The following XPR1 variants were observed in gnomAD, a reference collection of about 807,000 sequenced individuals.
The protein encoded by XPR1 is solute carrier family 53 member 1.
XPR1 carries 28 observed loss-of-function variants against 87.5 expected under a neutral mutation model. That is an observed-to-expected ratio of 0.32 (90% CI 0.24 to 0.44). XPR1 has a LOEUF of 0.44. Among genes scored for constraint, XPR1 ranks in the 20% least tolerant of loss-of-function variants. The probability of loss-of-function intolerance (pLI) is 1.00; values close to 1 mark genes in which losing one functional copy is unlikely to be tolerated. For missense variants in XPR1, 559 were observed against 862.3 expected (o/e 0.65, Z 4.41); for synonymous variants, 300 against 306.1 (o/e 0.98, Z 0.21).
chr1:180,691,014 AGTT>A (rs1656975737), intron 2 of XPR1, among the ~76,000 whole-genome samples: 1 of 151,992 alleles, frequency 6.6e-6, no homozygotes, highest in South Asian at 2.1e-4. Context: ...TATTATTAGT[AGTT>A]GTTGTTTTAC....
chr1:180,722,405 A>T (rs896120079), intron 2 of XPR1, among the ~76,000 whole-genome samples: 1 of 152,116 alleles, frequency 6.6e-6, no homozygotes, highest in Non-Finnish European at 1.5e-5. Context: ...TTAAAATGTT[A>T]CTTTAAATTA....
In XPR1 at chr1:180,787,746, C is replaced by T. The variant is rs1367887982; in HGVS notation, c.122-7C>T. 1 of 1,566,578 alleles carries T rather than the reference C, an allele frequency of 6.4e-7. No homozygotes were observed. Among genetic ancestry groups the T allele is most frequent in the African/African-American group, 1.4e-5 (1 of 72,586 alleles). ...TTAAATTTAAATATTGTTTTCCTGT[C>T]TTTCAGTTACAGATGAGGACACAGT... is the stretch of plus-strand genomic sequence containing the variant. On this transcript the variant is annotated splice_polypyrimidine_tract_variant and splice_region_variant and intron_variant, in intron 2 of 14. Transcript: ENST00000367590.
At chr1:180,782,840 A>G (rs374108778) in intron 2 of XPR1, among the ~76,000 whole-genome samples, 1 of 151,874 alleles carries the variant, frequency 6.6e-6, no homozygotes, top group Non-Finnish European at 1.5e-5. Context: ...TGATTTTTCT[A>G]TAAAACTTAT....
intron 1 of XPR1, among the ~76,000 whole-genome samples, chr1:180,657,276 T>C (rs1366660942): frequency 6.6e-6 from 1 of 152,226 alleles, no homozygotes; most frequent in Non-Finnish European, 1.5e-5. Context: ...TTTCCTTTGC[T>C]GTGCAGAAGA....
intron 3 of XPR1, among the ~76,000 whole-genome samples, chr1:180,793,814 C>T (rs1374018513): frequency 6.6e-6 from 1 of 152,074 alleles, no homozygotes; most frequent in African/African-American, 2.4e-5. Flanking sequence ...CTATTAAAAA[C>T]AAGCCACGTG....
intron 11 of XPR1, among the ~76,000 whole-genome samples, chr1:180,844,574 A>G (rs1290048533): frequency 6.6e-6 from 1 of 152,220 alleles, no homozygotes; most frequent in African/African-American, 2.4e-5. Context: ...TATTAACAGC[A>G]TAATAAACCA....
chr1:180,825,587 C>A (rs1650801792), intron 9 of XPR1, among the ~76,000 whole-genome samples: 1 of 152,110 alleles, frequency 6.6e-6, no homozygotes, highest in South Asian at 2.1e-4. Flanking sequence ...GTTTAACTAG[C>A]TGTGATAAGA....
intron 11 of XPR1, among the ~76,000 whole-genome samples, chr1:180,857,993 G>T (rs753450570): frequency 2.6e-5 from 4 of 152,134 alleles, no homozygotes; most frequent in Non-Finnish European, 5.9e-5. Flanking sequence ...GAGGCAGGCA[G>T]ATCACCTGAG....
At chr1:180,838,355 C>T (rs529252136) in intron 11 of XPR1, among the ~76,000 whole-genome samples, 8 of 152,180 alleles carry the variant, frequency 5.3e-5, no homozygotes, top group Admixed American at 5.2e-4. Flanking sequence ...TCATGGGTAG[C>T]AGAGGCAGAA....
chr1:180,703,295 A>G (rs1358836860), intron 2 of XPR1, among the ~76,000 whole-genome samples: 1 of 152,080 alleles, frequency 6.6e-6, no homozygotes, highest in Non-Finnish European at 1.5e-5. Context: ...CTCAGACTCA[A>G]GCAGTGGTGG....
rs1181905994 is a variant in XPR1, at chr1:180,885,237, T to C, written c.*1171T>C. ...AAAAGTCTGTCATGGGGAAACTATATTTTTGAGCACATGGAACAAATTATA... is the reference window on the plus strand; with the variant it reads ...AAAAGTCTGTCATGGGGAAACTATACTTTTGAGCACATGGAACAAATTATA... On this transcript the variant is annotated 3_prime_UTR_variant, in exon 15 of 15. Transcript: ENST00000367590. 6.6e-6 allele frequency: 1 copy of C among 152,658 alleles called. No individual in the cohort carries two copies. The highest frequency in any genetic ancestry group is 1.5e-5 in the Non-Finnish European group (1 of 68,044). The allele number at this position is 152,658 out of a possible 1,614,324, so 9.5% of individuals were successfully genotyped here.
chr1:180,777,380 A>G (rs999234646), intron 2 of XPR1, among the ~76,000 whole-genome samples: 1 of 152,232 alleles, frequency 6.6e-6, no homozygotes, highest in African/African-American at 2.4e-5. Flanking sequence ...GAAGAAGGCT[A>G]GTCCTTTATT....
At position 180,825,180 on chromosome 1, in the gene XPR1, G is replaced by T. The variant is rs755916331; in HGVS notation, c.970G>T (p.Gly324Trp). The change falls in exon 9 of 15, where the codon GGG (glycine) becomes TGG (tryptophan). Residue 324 changes from glycine (G) to tryptophan (W), a missense_variant. Transcript: ENST00000367590. ...QHLFEIAGFL[G>W]ILWCLSLLAC... The stretch of plus-strand genomic sequence containing the variant: ...CCTTTACTAGATTGCTGGATTCCTC[G>T]GGATATTGTGGTGCCTGAGCCTTCT... 6.2e-7 allele frequency: 1 copy of T among 1,608,524 alleles called. No individual in the cohort carries two copies. Among genetic ancestry groups the T allele is most frequent in the South Asian group, 1.1e-5 (1 of 89,332 alleles).
intron 2 of XPR1, among the ~76,000 whole-genome samples, chr1:180,777,934 T>C (rs951360337): frequency 6.6e-6 from 1 of 152,086 alleles, no homozygotes; most frequent in African/African-American, 2.4e-5. Context: ...AGTTAGTGCC[T>C]CTCAAACTGG....
chr1:180,842,592 A>G (rs888431223), intron 11 of XPR1, among the ~76,000 whole-genome samples: 2 of 152,222 alleles, frequency 1.3e-5, no homozygotes, highest in Non-Finnish European at 2.9e-5. Flanking sequence ...TTTGAAGGCA[A>G]TTCCTACAAG....
At chr1:180,873,577 A>G (rs1019618976) in intron 12 of XPR1, among the ~76,000 whole-genome samples, 2 of 152,238 alleles carry the variant, frequency 1.3e-5, no homozygotes, top group Admixed American at 6.5e-5. Flanking sequence ...AAATTCAGTA[A>G]TACTTCATAC....
intron 2 of XPR1, among the ~76,000 whole-genome samples, chr1:180,761,336 C>A (rs980427706): frequency 6.6e-6 from 1 of 152,144 alleles, no homozygotes; most frequent in African/African-American, 2.4e-5. Flanking sequence ...AACAGGCAAC[C>A]TACAAAGTGG....
chr1:180,644,142 A>G (rs575571558), intron 1 of XPR1, among the ~76,000 whole-genome samples: 2 of 152,310 alleles, frequency 1.3e-5, no homozygotes, highest in East Asian at 3.9e-4. Context: ...TCTAGGCTAA[A>G]ATACGTTTTT....
intron 1 of XPR1, among the ~76,000 whole-genome samples, chr1:180,680,405 C>T (rs1164240306): frequency 3.4e-5 from 4 of 118,848 alleles, no homozygotes; most frequent in African/African-American, 6.6e-5. Flanking sequence ...CTCGCTCTGT[C>T]GCCAGACTGG....
Sources: allele counts gnomAD v4.1 joint callset (sites outside exome capture counted in the v4.1 genomes callset), GRCh38; gene constraint gnomAD v4.1.1; transcripts MANE v1.5; gene names NCBI Gene and HGNC (gene_info 2026-07-23, HGNC 2026-07-21).